CUL5: variants seen among roughly 807,000 people sequenced by gnomAD.
CUL5 encodes the protein cullin 5.
A neutral mutation model predicts 108.8 loss-of-function variants in CUL5; 26 were observed. The ratio of observed to expected loss-of-function variants is 0.24; its 90% CI spans 0.18 to 0.33. The LOEUF (loss-of-function observed/expected upper bound fraction) is 0.33, where lower values mean the gene tolerates loss of function less well. CUL5 is among the 10% of genes least tolerant of loss of function. CUL5 has a pLI of 1.00. For synonymous variants in CUL5, 334 were observed against 298.0 expected (o/e 1.12, Z -1.25); for missense variants, 524 against 909.2 (o/e 0.58, Z 5.45).
chr11:108,076,500 AT>A (rs1565260417), intron 10 of CUL5, among the ~76,000 whole-genome samples: 1 of 151,718 alleles, frequency 6.6e-6, no homozygotes, highest in South Asian at 2.1e-4. Flanking sequence ...GTATATTTGA[AT>A]TTTTTTTAGG....
chr11:108,087,090 G>A (rs1468164805), intron 11 of CUL5, among the ~76,000 whole-genome samples: 2 of 152,002 alleles, frequency 1.3e-5, no homozygotes, highest in East Asian at 3.8e-4. Flanking sequence ...AATGGCTCAG[G>A]AGGTGTTCAA....
Position 108,104,476 on chromosome 11 carries a change from A to T in CUL5, c.*92A>T. On this transcript the variant is annotated 3_prime_UTR_variant, in exon 19 of 19. Transcript: ENST00000393094. ...TTGTGCTGGAGAAAGGTTTATTTGG[A>T]CTTTGATTACATAAATATTAAAATC... is the stretch of plus-strand genomic sequence containing the variant. The T allele has an allele frequency of 1.3e-6, 1 of 746,774 alleles. No homozygotes were observed. The highest frequency in any genetic ancestry group is 2.1e-6 in the Non-Finnish European group (1 of 468,988). 46.3% of individuals were successfully genotyped at this position (746,774 alleles called of 1,614,324 possible).
At chr11:108,018,624 G>A (rs913592321) in intron 1 of CUL5, among the ~76,000 whole-genome samples, 1 of 152,048 alleles carries the variant, frequency 6.6e-6, no homozygotes, top group Non-Finnish European at 1.5e-5. Context: ...GCAGGGAGCC[G>A]AGATCACGCC....
chr11:108,053,141 G>GA (rs910849683), intron 5 of CUL5, among the ~76,000 whole-genome samples: 1 of 152,152 alleles, frequency 6.6e-6, no homozygotes, highest in African/African-American at 2.4e-5. Flanking sequence ...TTACTTCCAT[G>GA]AAAAGGAGAG....
In CUL5 at chr11:108,098,465, C is replaced by A; in HGVS notation, c.2084C>A (p.Thr695Asn). Residue 695 changes from threonine (T) to asparagine (N), a missense_variant, in exon 18 of 19, where the codon ACT becomes AAT. Around this residue, in one of 8 missense-constraint regions of CUL5, gnomAD observed 66 missense variants for 81.4 expected, o/e 0.81. Transcript: ENST00000393094. ...AACTTGATTGGACGTTTGCAGCTCACTACAGAAAGGATGAGAGAAGAAGAG... is the reference window on the plus strand; with the variant it reads ...AACTTGATTGGACGTTTGCAGCTCAATACAGAAAGGATGAGAGAAGAAGAG... ...KINLIGRLQL[T>N]TERMREEENE... 6.2e-7 allele frequency: 1 copy of A among 1,603,332 alleles called. No individual in the cohort carries two copies. Among genetic ancestry groups the A allele is most frequent in the Non-Finnish European group, 8.5e-7 (1 of 1,175,260 alleles).
intron 2 of CUL5, among the ~76,000 whole-genome samples, chr11:108,037,452 T>TA (rs1451640019): frequency 6.6e-6 from 1 of 152,202 alleles, no homozygotes; most frequent in Non-Finnish European, 1.5e-5. Context: ...TCATGGGACT[T>TA]ACCATGTAGT....
At chr11:108,078,708 G>A (rs1457643211) in intron 11 of CUL5, among the ~76,000 whole-genome samples, 1 of 152,092 alleles carries the variant, frequency 6.6e-6, no homozygotes, top group African/African-American at 2.4e-5. Context: ...TTTCAGAGTA[G>A]TACTAAATAG....
intron 1 of CUL5, among the ~76,000 whole-genome samples, chr11:108,010,974 C>CA (rs1862044740): frequency 6.6e-6 from 1 of 152,108 alleles, no homozygotes; most frequent in African/African-American, 2.4e-5. Flanking sequence ...ATGATCACGC[C>CA]ACTGCTCTGT....
intron 10 of CUL5, among the ~76,000 whole-genome samples, chr11:108,076,930 A>C (rs548497094): frequency 6.6e-6 from 1 of 152,396 alleles, no homozygotes; most frequent in African/African-American, 2.4e-5. Flanking sequence ...CAGAGAGATC[A>C]GAAACTCGGT....
chr11:108,035,881 C>G (rs532468878), intron 2 of CUL5, among the ~76,000 whole-genome samples: 2 of 152,226 alleles, frequency 1.3e-5, no homozygotes, highest in South Asian at 4.1e-4. Context: ...GCCTCAGATC[C>G]AGGTAATTGA....
At chr11:108,010,128 A>T (rs1862027096) in intron 1 of CUL5, among the ~76,000 whole-genome samples, 1 of 152,256 alleles carries the variant, frequency 6.6e-6, no homozygotes, top group African/African-American at 2.4e-5. Flanking sequence ...AAGTTTGGAG[A>T]AGAATGAGGA....
At chr11:108,035,197 G>C (rs529414232) in intron 2 of CUL5, among the ~76,000 whole-genome samples, 1 of 152,186 alleles carries the variant, frequency 6.6e-6, no homozygotes, top group Non-Finnish European at 1.5e-5. Flanking sequence ...AGAAGTGGGC[G>C]AAGGGGCTAC....
chr11:108,029,434 A>T (rs1862524459), intron 1 of CUL5, among the ~76,000 whole-genome samples: 1 of 152,228 alleles, frequency 6.6e-6, no homozygotes, highest in South Asian at 2.1e-4. Flanking sequence ...TCTGAATAGT[A>T]ATGAAAGAAT....
At chr11:108,101,699 A>G (rs1023353923) in intron 18 of CUL5, among the ~76,000 whole-genome samples, 1 of 151,818 alleles carries the variant, frequency 6.6e-6, no homozygotes, top group African/African-American at 2.4e-5. Context: ...ATACTGTGCT[A>G]CTCTTTAAGT....
At chr11:108,009,558 TG>T (rs1453193021) in intron 1 of CUL5, among the ~76,000 whole-genome samples, 186 bp downstream of exon 1, 1 of 151,736 alleles carries the variant, frequency 6.6e-6, no homozygotes, top group African/African-American at 2.4e-5. Flanking sequence ...CGACAGGCTC[TG>T]GTGGTCGCTC....
chr11:108,021,749 C>T (rs1862331473), intron 1 of CUL5, among the ~76,000 whole-genome samples: 2 of 152,252 alleles, frequency 1.3e-5, no homozygotes, highest in East Asian at 1.9e-4. Flanking sequence ...CTCGTGGCCT[C>T]AAGTGATTGT....
chr11:108,098,864 A>G (rs994000504), intron 18 of CUL5, among the ~76,000 whole-genome samples: 3 of 152,232 alleles, frequency 2.0e-5, no homozygotes, highest in Non-Finnish European at 1.5e-5. Flanking sequence ...AAACAGTTTA[A>G]AACTAGGATT....
At chr11:108,077,544 C>T (rs756126431) in intron 10 of CUL5, among the ~76,000 whole-genome samples, 1 of 151,502 alleles carries the variant, frequency 6.6e-6, no homozygotes, top group Non-Finnish European at 1.5e-5. Flanking sequence ...GCAGGAGAAT[C>T]GCTTGAACCC....
At chr11:108,073,308 T>C (rs1044713643) in intron 9 of CUL5, 82 bp from the exon 10 acceptor site, 12 of 664,750 alleles carry the variant, frequency 1.8e-5, no homozygotes, top group Non-Finnish European at 2.8e-5. Context: ...AAATGAGTTT[T>C]ATTAAAATTA....
Sources: allele counts gnomAD v4.1 joint callset (sites outside exome capture counted in the v4.1 genomes callset), GRCh38; gene constraint gnomAD v4.1.1; regional missense constraint gnomAD v4.1.1; transcripts MANE v1.5; gene names NCBI Gene and HGNC (gene_info 2026-07-23, HGNC 2026-07-21).